Variants in NAXD observed in about 807,000 individuals in gnomAD.
NAXD encodes the protein ATP-dependent (S)-NAD(P)H-hydrate dehydratase.
In NAXD, 22 loss-of-function variants were observed where a neutral mutation model predicts 35.8. The observed-to-expected ratio is 0.62, with a 90% confidence interval of 0.44 to 0.88. The LOEUF is 0.88. Among genes scored for constraint, NAXD ranks in the 40% least tolerant of loss-of-function variants. The pLI, the probability that NAXD is intolerant of heterozygous loss-of-function variation, is 0.00. For missense variants in NAXD, 428 were observed against 437.7 expected (o/e 0.98, Z 0.20); for synonymous variants, 189 against 177.6 (o/e 1.06, Z -0.51).
At chr13:110,636,697 T>A (rs1886939676) in intron 8 of NAXD, among the ~76,000 whole-genome samples, 2 of 152,224 alleles carry the variant, frequency 1.3e-5, no homozygotes, top group African/African-American at 4.8e-5. Context: ...GAGGCCTCGC[T>A]CGGTGTTGCC....
intron 9 of NAXD, among the ~76,000 whole-genome samples, chr13:110,637,568 A>T (rs59764598): frequency 6.6e-6 from 1 of 152,242 alleles, no homozygotes; most frequent in Non-Finnish European, 1.5e-5. Context: ...TGTAACACAG[A>T]ATACTAAGAT....
intron 2 of NAXD, 107 bp from the exon 3 acceptor site, chr13:110,624,126 AC>A: frequency 2.9e-6 from 2 of 689,432 alleles, no homozygotes; most frequent in Non-Finnish European, 5.1e-6. Context: ...TTATTGATAA[AC>A]CATGTCTATA....
chr13:110,638,276 C>T lies in NAXD; in HGVS notation c.840-102C>T. 6.3e-7 allele frequency: 1 copy of T among 1,591,016 alleles called. No homozygotes were observed. Among genetic ancestry groups the T allele is most frequent in the South Asian group, 1.1e-5 (1 of 87,828 alleles). ...AGACTTGAAATTGACAATTTGGGGT[C>T]CTGAGATTGAAACAGGAGTCAAAAC... is the stretch of plus-strand genomic sequence containing the variant. On this transcript the variant is annotated intron_variant, in intron 9 of 9. Transcript: ENST00000680254. This position sits in a 1 kb window ranked among gnomAD's most constrained non-coding sequence, Gnocchi z 5.4.
chr13:110,637,782 G>A (rs538639952), intron 9 of NAXD: 1 of 463,252 alleles, frequency 2.2e-6, no homozygotes, highest in African/African-American at 2.0e-5. Flanking sequence ...CAGGTGCTAG[G>A]TGTGGCAGAC....
At chr13:110,620,591 A>G (rs1249493230) in intron 1 of NAXD, among the ~76,000 whole-genome samples, 2 of 151,986 alleles carry the variant, frequency 1.3e-5, no homozygotes, top group Non-Finnish European at 2.9e-5. Context: ...AAAAAAAAAA[A>G]AAAAAGAATT....
intron 5 of NAXD, among the ~76,000 whole-genome samples, chr13:110,632,479 G>C (rs1479155139): frequency 6.6e-6 from 1 of 152,190 alleles, no homozygotes; most frequent in Non-Finnish European, 1.5e-5. Context: ...ACATCCTGCT[G>C]ATTGGTAGAG....
intron 7 of NAXD, among the ~76,000 whole-genome samples, chr13:110,635,190 G>A (rs1170663743): frequency 6.6e-6 from 1 of 152,186 alleles, no homozygotes; most frequent in African/African-American, 2.4e-5. Flanking sequence ...TATTACTCCT[G>A]CAAAGCTCTC....
intron 7 of NAXD, 137 bp from the exon 8 acceptor site, chr13:110,635,331 A>T (rs1413230974): frequency 1.0e-6 from 1 of 980,898 alleles, no homozygotes; most frequent in East Asian, 2.4e-5. Flanking sequence ...CCTCCCACCT[A>T]CATGGCCTTT....
intron 1 of NAXD, among the ~76,000 whole-genome samples, chr13:110,619,985 G>T (rs973487689): frequency 1.3e-5 from 2 of 151,970 alleles, no homozygotes; most frequent in Non-Finnish European, 2.9e-5. Context: ...TTTTAGTAGA[G>T]ATGGGGTTTC....
chr13:110,638,516 C>G lies in NAXD; in HGVS notation c.978C>G (p.Leu326=). 6.2e-7 allele frequency: 1 copy of G among 1,612,502 alleles called. No homozygotes were observed. The highest frequency in any genetic ancestry group is 8.5e-7 in the Non-Finnish European group (1 of 1,179,622). Residue 326 remains leucine, a synonymous_variant, in exon 10 of 10, where the codon CTC becomes CTG. Coordinates refer to ENST00000680254, the MANE Select transcript of NAXD (RefSeq NM_001242882.2). This position sits in a 1 kb window ranked among gnomAD's most constrained non-coding sequence, Gnocchi z 5.4. ...IAEVGAAFSK[L]FET is the part of the protein sequence containing the mutation. ...AGGTGGGGGCCGCCTTCAGCAAGCT[C>G]TTTGAAACCTGAGCCCGCGCAGACC...
rs1458289593 is a variant in NAXD at position 110,633,082 on chromosome 13, T to C, written c.442-1463T>C. ...GGACTGGGTGCCGTGGAGCAGGGGGTGGTGCTCGTCGGGGAGGCTCGGGCC... is the reference window on the plus strand; with the variant it reads ...GGACTGGGTGCCGTGGAGCAGGGGGCGGTGCTCGTCGGGGAGGCTCGGGCC... On this transcript the variant is annotated intron_variant, in intron 5 of 9. Coordinates refer to ENST00000680254, the MANE Select transcript of NAXD (RefSeq NM_001242882.2). Among the ~76,000 whole-genome samples, 4 of 150,710 alleles carry C rather than the reference T, an allele frequency of 2.7e-5. No individual in the cohort carries two copies. The East Asian group carries it at 7.8e-4, about 30-fold the overall frequency.
chr13:110,625,078 T>C, intron 3 of NAXD, 112 bp from the exon 4 acceptor site: 7 of 759,396 alleles, frequency 9.2e-6, no homozygotes, highest in Non-Finnish European at 1.6e-5. Context: ...AGCTAGTACG[T>C]TTCTCATGCA....
At position 110,639,868 on chromosome 13, in the gene NAXD, C is replaced by T. The variant is rs969760947; in HGVS notation, c.*1340C>T. The stretch of plus-strand genomic sequence containing the variant: ...AAAGATTGTCACTACTAATTTGACG[C>T]CTAACTTCAGAAGCTTCACTGTCTA... On this transcript the variant is annotated 3_prime_UTR_variant, in exon 10 of 10. Transcript: ENST00000680254. The T allele has an allele frequency of 6.6e-6, 1 of 152,184 alleles. No homozygotes were observed. Among genetic ancestry groups the T allele is most frequent in the African/African-American group, 2.4e-5 (1 of 41,438 alleles). The allele number at this position is 152,184 out of a possible 1,614,324, so 9.4% of individuals were successfully genotyped here.
intron 5 of NAXD, 40 bp from the exon 6 acceptor site, chr13:110,634,505 C>T (rs1333259847): frequency 6.2e-7 from 1 of 1,604,514 alleles, no homozygotes; most frequent in Non-Finnish European, 8.5e-7. Context: ...CACACCATAG[C>T]AGCAGGCATG....
intron 1 of NAXD, among the ~76,000 whole-genome samples, chr13:110,618,510 T>C (rs982400914): frequency 2.0e-5 from 3 of 152,236 alleles, no homozygotes; most frequent in Non-Finnish European, 4.4e-5. Context: ...GTTTTCTTCC[T>C]AGCTATGATA....
chr13:110,622,375 C>T lies in NAXD; in HGVS notation c.197+9C>T. On this transcript the variant is annotated intron_variant, in intron 2 of 9. Coordinates refer to ENST00000680254, the MANE Select transcript of NAXD (RefSeq NM_001242882.2). ...GTTGGAGGCTGTCAGGAGTAAGTAGCTGATGTGCAGTGTTGGTGTTTAAAA... is the reference window on the plus strand; with the variant it reads ...GTTGGAGGCTGTCAGGAGTAAGTAGTTGATGTGCAGTGTTGGTGTTTAAAA... The T allele has an allele frequency of 6.2e-7, 1 of 1,613,794 alleles. No homozygotes were observed. Among genetic ancestry groups the T allele is most frequent in the South Asian group, 1.1e-5 (1 of 91,034 alleles).
At chr13:110,616,287 T>G in intron 1 of NAXD, 1 of 154,778 alleles carries the variant, frequency 6.5e-6, no homozygotes, top group Admixed American at 6.5e-5. Flanking sequence ...CATCCCCAAT[T>G]TGAAGTCCCA....
intron 1 of NAXD, among the ~76,000 whole-genome samples, chr13:110,619,295 A>C (rs982714332): frequency 1.8e-4 from 27 of 152,332 alleles, no homozygotes; most frequent in Non-Finnish European, 3.8e-4. Flanking sequence ...GATGTTTGTA[A>C]GATATGAATC....
At chr13:110,625,510 G>A (rs2277423) in intron 4 of NAXD, among the ~76,000 whole-genome samples, 17,094 of 152,256 alleles carry the variant, frequency 0.11, 1,072 homozygotes, top group Middle Eastern at 0.16. Context: ...GGAAATGGCC[G>A]GGGCCCAGCT....
Sources: allele counts gnomAD v4.1 joint callset (sites outside exome capture counted in the v4.1 genomes callset), GRCh38; gene constraint gnomAD v4.1.1; non-coding constraint Gnocchi (gnomAD v3.1); transcripts MANE v1.5; gene names NCBI Gene and HGNC (gene_info 2026-07-23, HGNC 2026-07-21).